The following SEC31A variants were observed in gnomAD, a reference collection of about 807,000 sequenced individuals.
The protein encoded by SEC31A is protein transport protein Sec31A.
SEC31A carries 70 observed loss-of-function variants against 151.0 expected under a neutral mutation model. That is an observed-to-expected ratio of 0.46 (90% confidence interval 0.38 to 0.57). The LOEUF (loss-of-function observed/expected upper bound fraction) is 0.57. SEC31A is among the 20% of genes least tolerant of loss of function. The pLI is 0.00. For missense variants in SEC31A, 1,330 were observed against 1,471.2 expected (o/e 0.90, Z 1.57); for synonymous variants, 475 against 505.9 (o/e 0.94, Z 0.82).
intron 25 of SEC31A, among the ~76,000 whole-genome samples, chr4:82,823,034 G>C (rs567787628): frequency 6.6e-6 from 1 of 152,130 alleles, no homozygotes; most frequent in Non-Finnish European, 1.5e-5. Context: ...TACCCCAAGG[G>C]GGCAAGGGCA....
intron 16 of SEC31A, among the ~76,000 whole-genome samples, chr4:82,855,822 G>A (rs4693519): frequency 0.66 from 100,541 of 152,002 alleles, 35,977 homozygotes; most frequent in Non-Finnish European, 0.79. Flanking sequence ...CAGAAAAAAT[G>A]ATTAATGGGT....
At chr4:82,880,978 C>G (rs1450606668) in intron 2 of SEC31A, 56 bp from the exon 3 acceptor site, 4 of 1,445,754 alleles carry the variant, frequency 2.8e-6, no homozygotes, top group Non-Finnish European at 3.8e-6. Flanking sequence ...ATCAGAGAAA[C>G]CATACAAAAC....
At chr4:82,893,739 T>A (rs1719941669), upstream of SEC31A, 1 of 152,098 alleles carries the variant, frequency 6.6e-6, no homozygotes, top group African/African-American at 2.4e-5. Flanking sequence ...TGTGGAAAAA[T>A]GGTTAAAAGA....
In SEC31A at chr4:82,864,601, A is replaced by G. The variant is rs367846280; in HGVS notation, c.1198-3T>C. ...AACGTAACCAGTTTGCCTCCAAACT[A>G]TAAAAGAGAGAATGAACAAACTCAG... On this transcript the variant is annotated splice_polypyrimidine_tract_variant and splice_region_variant and intron_variant, in intron 10 of 26. Transcript: ENST00000395310. 1.9e-6 allele frequency: 3 copies of G among 1,611,970 alleles called. No individual in the cohort carries two copies. Among genetic ancestry groups the G allele is most frequent in the African/African-American group, 1.3e-5 (1 of 74,884 alleles).
chr4:82,887,888 T>C (rs1741112466), intron 1 of SEC31A, among the ~76,000 whole-genome samples: 1 of 149,232 alleles, frequency 6.7e-6, no homozygotes, highest in Non-Finnish European at 1.5e-5. Flanking sequence ...CTACTAAAAA[T>C]ACAAAAAATT....
At chr4:82,826,595 C>T (rs1450843380) in intron 24 of SEC31A, among the ~76,000 whole-genome samples, 1 of 152,248 alleles carries the variant, frequency 6.6e-6, no homozygotes, top group African/African-American at 2.4e-5. Context: ...TCAGGTGATC[C>T]ACCCGCCTCG....
chr4:82,874,313 A>T (rs1411489597), intron 6 of SEC31A, among the ~76,000 whole-genome samples: 1 of 152,194 alleles, frequency 6.6e-6, no homozygotes, highest in Non-Finnish European at 1.5e-5. Context: ...AAAAAAAAAA[A>T]AAGTTGCTGC....
Position 82,855,012 on chromosome 4 carries a change from C to G in SEC31A, c.1899G>C (p.Val633=). 1 of 1,613,004 alleles carries G rather than the reference C, an allele frequency of 6.2e-7. No individual in the cohort carries two copies. Among genetic ancestry groups the G allele is most frequent in the Non-Finnish European group, 8.5e-7 (1 of 1,179,626 alleles). ...CAACAATCTCTTTCCAGTTCTTCAT[C>G]ACCACTGCAGTGATGAGCTTGAGAA... ...SKITRLITAV[V]MKNWKEIVES... is the part of the protein sequence containing the mutation. Residue 633 remains valine, a synonymous_variant, in exon 17 of 27, where the codon GTG becomes GTC. Transcript: ENST00000395310.
chr4:82,881,281 T>C (rs1362114426), intron 2 of SEC31A, among the ~76,000 whole-genome samples: 3 of 152,070 alleles, frequency 2.0e-5, no homozygotes, highest in Non-Finnish European at 2.9e-5. Context: ...CTGGCTAACA[T>C]GGTGAAATCC....
chr4:82,887,286 A>G (rs1740946952), intron 1 of SEC31A, among the ~76,000 whole-genome samples: 1 of 152,246 alleles, frequency 6.6e-6, no homozygotes, highest in Non-Finnish European at 1.5e-5. Context: ...CTGAAAAAGA[A>G]AGAGACACAT....
At chr4:82,827,317 T>C in intron 24 of SEC31A, 52 bp downstream of exon 24, 3 of 1,560,092 alleles carry the variant, frequency 1.9e-6, no homozygotes, top group African/African-American at 1.4e-5. Flanking sequence ...TTAAAGAAAA[T>C]ATACTGAAAC....
At chr4:82,870,452 A>G (rs1258594489) in intron 7 of SEC31A, 28 bp from the exon 8 acceptor site, 15 of 1,563,112 alleles carry the variant, frequency 9.6e-6, no homozygotes, top group Non-Finnish European at 1.2e-5. Context: ...GAACAAGGAA[A>G]TTTTTAATCT....
At chr4:82,884,633 T>C (rs948518974) in intron 1 of SEC31A, among the ~76,000 whole-genome samples, 2 of 152,234 alleles carry the variant, frequency 1.3e-5, no homozygotes, top group South Asian at 4.1e-4. Flanking sequence ...TTTTGACAAA[T>C]GTATAACAAC....
intron 10 of SEC31A, among the ~76,000 whole-genome samples, chr4:82,865,322 G>A (rs551818129): frequency 1.3e-5 from 2 of 152,062 alleles, no homozygotes; most frequent in Middle Eastern, 3.4e-3. Context: ...ATGGTAAAAC[G>A]GCTATAAAAT....
intron 22 of SEC31A, chr4:82,830,792 TAAG>T (rs1167150801): frequency 9.2e-6 from 2 of 216,676 alleles, no homozygotes; most frequent in African/African-American, 2.3e-5. Context: ...CTGATTCAAT[TAAG>T]AAGCCAAATA....
chr4:82,850,107 T>C lies in SEC31A; in HGVS notation c.2329-1130A>G, dbSNP rs188968533. 4.6e-3 allele frequency among the ~76,000 whole-genome samples: 627 copies of C among 135,006 alleles called. 4 individuals carry two copies. Among genetic ancestry groups the C allele is most frequent in the South Asian group, 7.4e-3 (31 of 4,208 alleles). The allele number at this position is 135,006 out of a possible 152,430, so 88.6% of individuals were successfully genotyped here. A position where few individuals can be genotyped will look rare whatever the true frequency, so the allele number is the denominator to read the frequency against. The stretch of plus-strand genomic sequence containing the variant: ...GCTTTTTGGCCTAAAGAATGTTCTT[T>C]AAAGTCCAAAAAAAAAAAAGCATGA... On this transcript the variant is annotated intron_variant, in intron 19 of 26. Transcript: ENST00000395310.
intron 14 of SEC31A, 75 bp from the exon 15 acceptor site, chr4:82,857,839 C>T (rs1733024222): frequency 1.1e-5 from 10 of 872,498 alleles, no homozygotes; most frequent in Non-Finnish European, 1.9e-5. Flanking sequence ...AAAATTTACA[C>T]ATGATTCTTC....
chr4:82,872,479 GC>G (rs1736949931), intron 6 of SEC31A, among the ~76,000 whole-genome samples: 1 of 151,908 alleles, frequency 6.6e-6, no homozygotes, highest in African/African-American at 2.4e-5. Flanking sequence ...ATGAGCCACC[GC>G]GCCTGGCCTT....
chr4:82,869,657 A>AT (rs201282331), intron 8 of SEC31A, among the ~76,000 whole-genome samples: 10 of 151,858 alleles, frequency 6.6e-5, no homozygotes, highest in Non-Finnish European at 1.2e-4. Flanking sequence ...AAATTTATTA[A>AT]TTTTTTTTCT....
Sources: gnomAD v4.1 joint callset for allele counts (sites outside exome capture counted in the v4.1 genomes callset) on GRCh38, gnomAD v4.1.1 for gene constraint, MANE v1.5 for transcripts, NCBI Gene and HGNC (gene_info 2026-07-23, HGNC 2026-07-21) for gene names.